SPATA13: variants seen among roughly 807,000 people sequenced by gnomAD.
SPATA13 encodes the protein spermatogenesis-associated protein 13.
A neutral mutation model predicts 104.0 loss-of-function variants in SPATA13; 50 were observed. That is an observed-to-expected ratio of 0.48 (90% CI 0.38 to 0.61). SPATA13 has a LOEUF of 0.61. SPATA13 is among the 20% of genes least tolerant of loss of function. The pLI, the probability that SPATA13 is intolerant of heterozygous loss-of-function variation, is 0.00. For missense variants in SPATA13, 1,524 were observed against 1,690.6 expected (o/e 0.90, Z 1.73); for synonymous variants, 606 against 667.5 (o/e 0.91, Z 1.42).
intron 1 of SPATA13, among the ~76,000 whole-genome samples, chr13:24,173,362 T>TTGTGTGTGTGTGTGTG (rs60850610): frequency 6.8e-6 from 1 of 146,722 alleles, no homozygotes; most frequent in African/African-American, 2.6e-5. Context: ...TAGTTCTTAG[T>TTGTGTGTGTGTGTGTG]TGTGTGTGTG....
chr13:24,047,955 A>T (rs1378124414), intron 3 of SPATA13, among the ~76,000 whole-genome samples: 5 of 152,216 alleles, frequency 3.3e-5, no homozygotes, highest in African/African-American at 1.2e-4. Flanking sequence ...AAGGCCCAAG[A>T]ACCAGGTGCG....
chr13:24,175,088 A>G (rs9553207), intron 1 of SPATA13, among the ~76,000 whole-genome samples: 46,081 of 151,922 alleles, frequency 0.3, 7,358 homozygotes, highest in East Asian at 0.55. Context: ...CCATCTTGAT[A>G]TATGTTCCCT....
chr13:24,123,519 C>T (rs1174898026), intron 3 of SPATA13: 17 of 1,610,938 alleles, frequency 1.1e-5, no homozygotes, highest in South Asian at 3.3e-5. Flanking sequence ...ATCTTTTTTT[C>T]GAGGGTCAGC....
chr13:24,134,563 G>T (rs575444828), intron 3 of SPATA13, among the ~76,000 whole-genome samples: 1 of 151,614 alleles, frequency 6.6e-6, no homozygotes, highest in South Asian at 2.1e-4. Context: ...AGGAAAATTG[G>T]TTTGTTTTTT....
intron 2 of SPATA13, among the ~76,000 whole-genome samples, chr13:24,226,154 G>T (rs1257798836): frequency 6.6e-6 from 1 of 152,172 alleles, no homozygotes; most frequent in Non-Finnish European, 1.5e-5. Context: ...TGGTTGAAAG[G>T]CATCAAGGAA....
At chr13:24,037,738 C>A (rs1877755257) in intron 3 of SPATA13, among the ~76,000 whole-genome samples, 1 of 151,690 alleles carries the variant, frequency 6.6e-6, no homozygotes, top group Non-Finnish European at 1.5e-5. Flanking sequence ...GTTTTTCCTA[C>A]AGCAAGCAGA....
intron 1 of SPATA13, among the ~76,000 whole-genome samples, chr13:24,180,427 T>TA (rs1410240340): frequency 6.6e-6 from 1 of 152,232 alleles, no homozygotes; most frequent in Non-Finnish European, 1.5e-5. Flanking sequence ...TTAGGAAGTC[T>TA]AAAATCTCAA....
chr13:23,989,772 G>A (rs1202302346), intron 2 of SPATA13, among the ~76,000 whole-genome samples: 2 of 152,176 alleles, frequency 1.3e-5, no homozygotes, highest in Non-Finnish European at 2.9e-5. Context: ...GGTATCAGAA[G>A]TGAGGCCTTG....
intron 2 of SPATA13, among the ~76,000 whole-genome samples, chr13:24,228,368 G>A (rs1872074272): frequency 1.3e-5 from 2 of 152,062 alleles, no homozygotes; most frequent in East Asian, 3.9e-4. Flanking sequence ...GCCTGCCTCA[G>A]CTTCCCAAAG....
rs117370629 is a variant in SPATA13 at position 24,029,112 on chromosome 13, C to T, written c.-112+11411C>T. Among the ~76,000 whole-genome samples the T allele has an allele frequency of 5.1e-3, 773 of 151,960 alleles. 4 individuals carry two copies. The highest frequency in any genetic ancestry group is 8.3e-3 in the Non-Finnish European group (564 of 67,982). ...TATTTTTAATAGTTTTTGTTAGTAA[C>T]GGGGTCTCACTGTGTTGTCCAAGCT... On this transcript the variant is annotated intron_variant, in intron 3 of 14. Transcript: ENST00000424834.
At position 24,224,458 on chromosome 13, in the gene SPATA13, A is replaced by G. The variant is rs1871814312; in HGVS notation, c.1529A>G (p.Gln510Arg). 6.4e-7 allele frequency: 1 copy of G among 1,551,602 alleles called. No individual in the cohort carries two copies. ...GAAGGAAGGGCAGAAGAGCCTGCTC[A>G]GAGAGAGCCAGGGCCTGTGTCCTTG... ...ESEGRAEEPAQREPGPVSLQD... is the reference protein window; with the variant it reads ...ESEGRAEEPARREPGPVSLQD... Residue 510 changes from glutamine (Q) to arginine (R), a missense_variant, in exon 2 of 13, where the codon CAG becomes CGG. Physicochemically the swap from Gln to Arg is conservative, Grantham distance 43. This residue lies in a region of SPATA13 where 1,089 missense variants were observed against 1,135.9 expected (regional missense o/e 0.96). Coordinates refer to ENST00000382108, the MANE Select transcript of SPATA13 (RefSeq NM_001166271.3).
intron 1 of SPATA13, among the ~76,000 whole-genome samples, chr13:24,167,965 C>A (rs1017289933): frequency 3.3e-5 from 5 of 152,194 alleles, no homozygotes; most frequent in Non-Finnish European, 5.9e-5. Flanking sequence ...TCTCTGTCAG[C>A]ATGGACAAAG....
intron 2 of SPATA13, among the ~76,000 whole-genome samples, chr13:24,245,895 T>A (rs1387494644): frequency 1.3e-5 from 2 of 152,094 alleles, no homozygotes; most frequent in African/African-American, 4.8e-5. Context: ...CGGCCAACAG[T>A]TGGTTTTGTG....
chr13:24,010,099 C>T (rs1325599255), intron 2 of SPATA13, among the ~76,000 whole-genome samples: 2 of 152,088 alleles, frequency 1.3e-5, no homozygotes, highest in Admixed American at 6.6e-5. Flanking sequence ...TGGGACCACT[C>T]GAAGTGGGGA....
At chr13:24,157,620 A>G (rs139410793), upstream of SPATA13, among the ~76,000 whole-genome samples, 518 of 152,236 alleles carry the variant, frequency 3.4e-3, 3 homozygotes, top group African/African-American at 0.012. Flanking sequence ...TTTCTGCAGT[A>G]GAGGGTGGGG....
chr13:24,060,005 T>G (rs939698049), intron 3 of SPATA13, among the ~76,000 whole-genome samples: 1 of 152,194 alleles, frequency 6.6e-6, no homozygotes, highest in African/African-American at 2.4e-5. Flanking sequence ...TCTTTTATTT[T>G]GAGGTATGTT....
intron 3 of SPATA13, among the ~76,000 whole-genome samples, chr13:24,062,465 G>T (rs776623556): frequency 3.9e-5 from 6 of 152,164 alleles, no homozygotes; most frequent in Non-Finnish European, 7.3e-5. Flanking sequence ...GAGCCAAGGG[G>T]CTCTGCCTTC....
At chr13:24,097,588 A>G (rs908162784) in intron 3 of SPATA13, among the ~76,000 whole-genome samples, 1 of 152,212 alleles carries the variant, frequency 6.6e-6, no homozygotes, top group African/African-American at 2.4e-5. Context: ...AGAACAACTC[A>G]TGGACGACAC....
chr13:24,121,267 C>T (rs1353265592), intron 3 of SPATA13, among the ~76,000 whole-genome samples: 2 of 152,162 alleles, frequency 1.3e-5, no homozygotes, highest in Non-Finnish European at 2.9e-5. Context: ...ACCCTTTTTA[C>T]ATACCGAATT....
Sources: allele counts gnomAD v4.1 joint callset (sites outside exome capture counted in the v4.1 genomes callset), GRCh38; gene constraint gnomAD v4.1.1; regional missense constraint gnomAD v4.1.1; transcripts MANE v1.5; gene names NCBI Gene and HGNC (gene_info 2026-07-23, HGNC 2026-07-21).